The following NACC2 variants were observed in gnomAD, a reference collection of about 807,000 sequenced individuals.
NACC2 encodes nucleus accumbens-associated protein 2.
In NACC2, 8 loss-of-function variants were observed where a neutral mutation model predicts 25.1. The observed-to-expected ratio is 0.32, with a 90% CI of 0.19 to 0.57. The LOEUF (loss-of-function observed/expected upper bound fraction) is 0.57, where lower values mean the gene tolerates loss of function less well. NACC2 is among the 20% of genes least tolerant of loss of function. The probability of loss-of-function intolerance (pLI) is 0.89; values close to 1 mark genes in which losing one functional copy is unlikely to be tolerated. For synonymous variants in NACC2, 435 were observed against 294.7 expected (o/e 1.48, Z -4.88); for missense variants, 644 against 650.2 (o/e 0.99, Z 0.10).
chr9:136,054,531 G>A (rs1840896637), intron 1 of NACC2, among the ~76,000 whole-genome samples: 1 of 152,198 alleles, frequency 6.6e-6, no homozygotes, highest in Non-Finnish European at 1.5e-5. Flanking sequence ...CAGGAAAGCA[G>A]ACACACGGGG....
intron 1 of NACC2, among the ~76,000 whole-genome samples, chr9:136,065,008 A>G (rs1841063626): frequency 6.6e-6 from 1 of 152,254 alleles, no homozygotes; most frequent in Non-Finnish European, 1.5e-5. Context: ...GCCACATGCA[A>G]AAGAATGAAG....
Position 136,089,754 on chromosome 9 carries a change from C to T in NACC2, c.-60+5435G>A, listed in dbSNP as rs1293188873. On this transcript the variant is annotated intron_variant, in intron 1 of 5. Transcript: ENST00000277554. ...TAGGAGCCACGGCCGACCACTCAAC[C>T]TCTATTTTCTTAAAAGCTTTTTTTT... Among the ~76,000 whole-genome samples, 3 of 151,446 alleles carry T rather than the reference C, an allele frequency of 2.0e-5. No homozygotes were observed. The East Asian group carries it at 5.8e-4, about 29-fold the overall frequency.
chr9:136,072,338 G>A (rs975914309), intron 1 of NACC2, among the ~76,000 whole-genome samples: 8 of 152,178 alleles, frequency 5.3e-5, no homozygotes, highest in Non-Finnish European at 1.0e-4. Context: ...TTGAGGCCAG[G>A]AGTTTGAGAT....
At position 136,084,261 on chromosome 9, in the gene NACC2, G is replaced by A. The variant is rs2131188037; in HGVS notation, c.-60+10928C>T. Among the ~76,000 whole-genome samples the A allele has an allele frequency of 6.6e-6, 1 of 152,212 alleles. No individual in the cohort carries two copies. Among genetic ancestry groups the A allele is most frequent in the South Asian group, 2.1e-4 (1 of 4,816 alleles). On this transcript the variant is annotated intron_variant, in intron 1 of 5. Transcript: ENST00000277554. This position sits in a 1 kb window ranked among gnomAD's most constrained non-coding sequence, Gnocchi z 5.1. ...CCTCCACACCCAGACCTGGTCCTGG[G>A]TAGCCAACCCCTCCCCTACTGCATG...
intron 1 of NACC2, among the ~76,000 whole-genome samples, chr9:136,085,494 A>C (rs1232810697): frequency 6.6e-6 from 1 of 151,492 alleles, no homozygotes; most frequent in East Asian, 1.9e-4. Context: ...GCGACAGAGC[A>C]AGACTCTCAA....
intron 1 of NACC2, among the ~76,000 whole-genome samples, chr9:136,072,440 G>C (rs1037875207): frequency 6.6e-6 from 1 of 152,144 alleles, no homozygotes; most frequent in Non-Finnish European, 1.5e-5. Flanking sequence ...AGCTACTTGA[G>C]AGGCTGAGGC....
chr9:136,050,065 C>A lies in NACC2; in HGVS notation c.457G>T (p.Ala153Ser). 2 of 728,972 alleles carry A rather than the reference C, an allele frequency of 2.7e-6. No individual in the cohort carries two copies. The highest frequency in any genetic ancestry group is 1.8e-5 in the Admixed American group (1 of 54,642). 45.2% of individuals were successfully genotyped at this position (728,972 alleles called of 1,614,324 possible). The change falls in exon 2 of 6, where the codon GCC becomes TCC. Residue 153 changes from alanine (A) to serine (S), a missense_variant. By Grantham distance (99) the Ala-to-Ser change is moderately conservative. Transcript: ENST00000277554. ...ACGACGTAGGGGGCCGCGGCGGCGGCGGCCGGCTGCAGCTGGTTGCAGGGG... is the reference window on the plus strand; with the variant it reads ...ACGACGTAGGGGGCCGCGGCGGCGGAGGCCGGCTGCAGCTGGTTGCAGGGG... ...QSPCNQLQPAAAAAAPYVVSP... is the reference protein window; with the variant it reads ...QSPCNQLQPASAAAAPYVVSP...
chr9:136,065,269 G>C (rs1295999822), intron 1 of NACC2, among the ~76,000 whole-genome samples: 3 of 152,170 alleles, frequency 2.0e-5, no homozygotes, highest in East Asian at 1.9e-4. Flanking sequence ...AGTATCGCTT[G>C]AGCCCAGGAG....
At chr9:136,067,109 C>A (rs989205354) in intron 1 of NACC2, among the ~76,000 whole-genome samples, 4 of 152,016 alleles carry the variant, frequency 2.6e-5, no homozygotes, top group African/African-American at 9.7e-5. Flanking sequence ...ACAAAATTAG[C>A]CAGGCGTGGT....
intron 1 of NACC2, among the ~76,000 whole-genome samples, chr9:136,051,690 C>T (rs1024279370): frequency 5.3e-5 from 8 of 152,082 alleles, no homozygotes; most frequent in Non-Finnish European, 1.2e-4. Flanking sequence ...GCCCGCAGTG[C>T]CCCCGCTGCG....
chr9:136,040,791 C>G (rs1840615959), intron 2 of NACC2, among the ~76,000 whole-genome samples: 1 of 152,158 alleles, frequency 6.6e-6, no homozygotes, highest in South Asian at 2.1e-4. Flanking sequence ...GAAACCCTGT[C>G]TCTACAAAAA....
At chr9:136,066,205 A>G (rs949066803) in intron 1 of NACC2, among the ~76,000 whole-genome samples, 1 of 51,714 alleles carries the variant, frequency 1.9e-5, no homozygotes, top group African/African-American at 6.1e-5. Context: ...AAAAAAAAAA[A>G]GAAAGAAAGA....
intron 1 of NACC2, among the ~76,000 whole-genome samples, chr9:136,054,824 T>C (rs2131166424): frequency 6.6e-6 from 1 of 152,040 alleles, no homozygotes; most frequent in African/African-American, 2.4e-5. Context: ...GTCGCCAACT[T>C]TGTTTACCCC....
chr9:136,079,118 C>G (rs1830295424), intron 1 of NACC2, among the ~76,000 whole-genome samples: 1 of 151,748 alleles, frequency 6.6e-6, no homozygotes, highest in South Asian at 2.1e-4. Flanking sequence ...GAAATCTACT[C>G]ACGTATGTCT....
At chr9:136,012,482 G>A (rs542872179) in intron 5 of NACC2, among the ~76,000 whole-genome samples, 22 of 152,340 alleles carry the variant, frequency 1.4e-4, no homozygotes, top group Non-Finnish European at 2.1e-4. Context: ...GGCCAAGGCC[G>A]GGTCATTCCT....
chr9:136,093,943 G>A (rs1463661197), intron 1 of NACC2, among the ~76,000 whole-genome samples: 3 of 152,240 alleles, frequency 2.0e-5, no homozygotes, highest in Admixed American at 2.0e-4. Context: ...AGGAGGGAAG[G>A]AGGTCAGGAG....
intron 1 of NACC2, among the ~76,000 whole-genome samples, chr9:136,088,556 G>A (rs4842109): frequency 0.95 from 144,595 of 152,232 alleles, 69,094 homozygotes; most frequent in East Asian, 1. Context: ...GGGGCTCGTG[G>A]GGACCCAGGT....
chr9:136,038,301 C>G (rs943082309), intron 2 of NACC2, among the ~76,000 whole-genome samples: 1 of 152,146 alleles, frequency 6.6e-6, no homozygotes, highest in Non-Finnish European at 1.5e-5. Flanking sequence ...CTTGGGAGGC[C>G]AAGGCCGGTG....
chr9:136,011,459 A>G lies in NACC2; in HGVS notation c.*57T>C, dbSNP rs1034325487. On this transcript the variant is annotated 3_prime_UTR_variant, in exon 6 of 6. Coordinates refer to ENST00000277554, the MANE Select transcript of NACC2 (RefSeq NM_144653.5). ...TGGCTTGATCACATTTGTTTGTATT[A>G]GTAACGCATGCAAGCAGCTCTAGTA... 4.8e-5 allele frequency: 63 copies of G among 1,317,202 alleles called. No individual in the cohort carries two copies. Among genetic ancestry groups the G allele is most frequent in the Non-Finnish European group, 6.1e-5 (63 of 1,033,490 alleles). The allele number at this position is 1,317,202 out of a possible 1,614,324, so 81.6% of individuals were successfully genotyped here.
Sources: allele counts gnomAD v4.1 joint callset (sites outside exome capture counted in the v4.1 genomes callset), GRCh38; gene constraint gnomAD v4.1.1; non-coding constraint Gnocchi (gnomAD v3.1); transcripts MANE v1.5; gene names NCBI Gene and HGNC (gene_info 2026-07-23, HGNC 2026-07-21).